PDE4B: variants seen among roughly 807,000 people sequenced by gnomAD.
The protein encoded by PDE4B is 3',5'-cyclic-AMP phosphodiesterase 4B.
Under a neutral mutation model 82.2 loss-of-function variants are expected in PDE4B, and 20 were observed. The observed-to-expected ratio is 0.24, with a 90% CI of 0.17 to 0.35. PDE4B has a LOEUF of 0.35. Among genes scored for constraint, PDE4B ranks in the 10% least tolerant of loss-of-function variants. The pLI is 1.00. For synonymous variants in PDE4B, 320 were observed against 318.9 expected (o/e 1.00, Z -0.04); for missense variants, 655 against 907.2 (o/e 0.72, Z 3.57).
intron 7 of PDE4B, among the ~76,000 whole-genome samples, chr1:66,295,119 G>A (rs187440454): frequency 7.2e-4 from 109 of 152,256 alleles, no homozygotes; most frequent in African/African-American, 2.5e-3. Flanking sequence ...CAGGGACTTC[G>A]AAGTAGGGGA....
At chr1:66,315,954 C>T (rs990488251) in intron 7 of PDE4B, among the ~76,000 whole-genome samples, 2 of 152,234 alleles carry the variant, frequency 1.3e-5, no homozygotes, top group African/African-American at 2.4e-5. Flanking sequence ...ACTCTCCACC[C>T]TCCTGTGTTC....
chr1:66,370,150 CAAAAAA>C (rs752920376), intron 16 of PDE4B, among the ~76,000 whole-genome samples: 1 of 28,622 alleles, frequency 3.5e-5, no homozygotes, highest in South Asian at 1.4e-3. Flanking sequence ...GACTCTATCT[CAAAAAA>C]AAAAAAAAAA....
At chr1:66,307,517 A>G (rs1276429469) in intron 7 of PDE4B, among the ~76,000 whole-genome samples, 2 of 152,168 alleles carry the variant, frequency 1.3e-5, no homozygotes, top group South Asian at 4.1e-4. Flanking sequence ...TCAGTGAGGT[A>G]GAAAGTTGTG....
intron 3 of PDE4B, among the ~76,000 whole-genome samples, chr1:66,103,904 T>G (rs1441158401): frequency 2.6e-5 from 4 of 152,012 alleles, no homozygotes; most frequent in African/African-American, 9.7e-5. Flanking sequence ...CAAATGAAAT[T>G]AAGATCGAGA....
Position 66,372,589 on chromosome 1 carries a change from C to G in PDE4B, c.2122C>G (p.Leu708Val). The change falls in exon 17 of 17, where the codon CTT becomes GTT. Residue 708 changes from leucine (L) to valine (V), a missense_variant. Physicochemically the swap from Leu to Val is conservative, Grantham distance 32. Coordinates refer to ENST00000341517, the MANE Select transcript of PDE4B (RefSeq NM_002600.4). ...CAGCTATTTCAGCAGCACAAAGACG[C>G]TTTGTGTGATTGATCCAGAAAACAG... ...GHSYFSSTKT[L>V]CVIDPENRDS... The G allele has an allele frequency of 6.2e-7, 1 of 1,614,132 alleles. No homozygotes were observed. Among genetic ancestry groups the G allele is most frequent in the Non-Finnish European group, 8.5e-7 (1 of 1,179,988 alleles).
chr1:65,842,147 T>G (rs1257408227), intron 1 of PDE4B, among the ~76,000 whole-genome samples: 3 of 152,188 alleles, frequency 2.0e-5, no homozygotes, highest in Non-Finnish European at 4.4e-5. Context: ...AGGGAGATAC[T>G]ATTTTCAAGA....
At chr1:66,109,300 G>A (rs955694562) in intron 3 of PDE4B, among the ~76,000 whole-genome samples, 2 of 151,922 alleles carry the variant, frequency 1.3e-5, no homozygotes, top group African/African-American at 4.8e-5. Context: ...CAATAGAGCT[G>A]TAGATGAGGT....
At chr1:66,129,017 A>G (rs868382222) in intron 3 of PDE4B, among the ~76,000 whole-genome samples, 1 of 152,168 alleles carries the variant, frequency 6.6e-6, no homozygotes, top group African/African-American at 2.4e-5. Context: ...GCAAACTATT[A>G]TGATTGAATT....
intron 1 of PDE4B, among the ~76,000 whole-genome samples, chr1:65,800,143 A>G (rs1287740300): frequency 6.6e-6 from 1 of 152,240 alleles, no homozygotes; most frequent in African/African-American, 2.4e-5. Context: ...GGATTAAAAA[A>G]AATTAAAACC....
chr1:65,935,068 A>G (rs1215988001), intron 3 of PDE4B, among the ~76,000 whole-genome samples: 1 of 152,202 alleles, frequency 6.6e-6, no homozygotes, highest in Non-Finnish European at 1.5e-5. Flanking sequence ...CATTCTTCTC[A>G]GGTGTACATG....
At chr1:66,097,965 T>C (rs1220158113) in intron 3 of PDE4B, among the ~76,000 whole-genome samples, 1 of 151,948 alleles carries the variant, frequency 6.6e-6, no homozygotes, top group Non-Finnish European at 1.5e-5. Context: ...ACTTTTAACC[T>C]TTATTAGAAT....
chr1:66,108,487 A>T (rs1645418098), intron 3 of PDE4B, among the ~76,000 whole-genome samples: 1 of 152,108 alleles, frequency 6.6e-6, no homozygotes, highest in Admixed American at 6.6e-5. Flanking sequence ...AGCAAAGGAA[A>T]CAATCAACAG....
At chr1:66,229,152 C>T (rs1651718641) in intron 3 of PDE4B, among the ~76,000 whole-genome samples, 2 of 146,346 alleles carry the variant, frequency 1.4e-5, no homozygotes, top group African/African-American at 2.6e-5. Flanking sequence ...GGATTACAGG[C>T]GCCCACCACC....
intron 1 of PDE4B, among the ~76,000 whole-genome samples, chr1:65,879,894 G>A (rs1646691119): frequency 6.6e-6 from 1 of 152,192 alleles, no homozygotes; most frequent in Non-Finnish European, 1.5e-5. Flanking sequence ...CCAGCATAGT[G>A]TTAATGCTGT....
At chr1:66,016,206 C>T (rs921189351) in intron 3 of PDE4B, among the ~76,000 whole-genome samples, 16 of 152,188 alleles carry the variant, frequency 1.1e-4, no homozygotes, top group South Asian at 8.3e-4. Context: ...GCACCTGAGA[C>T]GTAATAACCA....
intron 7 of PDE4B, among the ~76,000 whole-genome samples, chr1:66,316,288 CA>C (rs1421668186): frequency 6.6e-6 from 1 of 152,156 alleles, no homozygotes; most frequent in African/African-American, 2.4e-5. Context: ...TCAAATAATA[CA>C]AATTCACATA....
intron 3 of PDE4B, among the ~76,000 whole-genome samples, chr1:66,199,895 G>C (rs1231156721): frequency 6.6e-6 from 1 of 152,142 alleles, no homozygotes. Flanking sequence ...ATTGCTTTTG[G>C]TGTTTTAGAC....
At chr1:65,923,456 T>C (rs1458676777) in intron 3 of PDE4B, among the ~76,000 whole-genome samples, 2 of 152,220 alleles carry the variant, frequency 1.3e-5, no homozygotes, top group Non-Finnish European at 2.9e-5. Context: ...TCTCTCTCTC[T>C]GTATATCTTA....
chr1:66,017,577 G>A (rs952971563), intron 3 of PDE4B, among the ~76,000 whole-genome samples: 1 of 152,064 alleles, frequency 6.6e-6, no homozygotes, highest in Non-Finnish European at 1.5e-5. Flanking sequence ...GTTCTAGGTT[G>A]GTAAATATTG....
Sources: allele counts gnomAD v4.1 joint callset (sites outside exome capture counted in the v4.1 genomes callset), GRCh38; gene constraint gnomAD v4.1.1; transcripts MANE v1.5; gene names NCBI Gene and HGNC (gene_info 2026-07-23, HGNC 2026-07-21).